PRELID3B: variants seen among roughly 807,000 people sequenced by gnomAD.
The protein encoded by PRELID3B is PRELI domain containing protein 3B.
Under a neutral mutation model 24.0 loss-of-function variants are expected in PRELID3B, and 15 were observed. The observed-to-expected ratio is 0.63, with a 90% CI of 0.42 to 0.96. The LOEUF (loss-of-function observed/expected upper bound fraction) is 0.96, where lower values mean the gene tolerates loss of function less well. PRELID3B is among the 40% of genes least tolerant of loss of function. PRELID3B has a pLI of 0.00. For synonymous variants in PRELID3B, 62 were observed against 76.0 expected, an observed-to-expected ratio of 0.82 and a Z score of 0.96; for missense variants, 189 against 236.0, an observed-to-expected ratio of 0.80 and a Z score of 1.30.
At position 59,034,667 on chromosome 20, in the gene PRELID3B, A is replaced by G. The variant is rs2092057219; in HGVS notation, c.*340T>C. ...CTCTGCTCTGTTCTGGGGTTGGTCCAAAGTCAGGTGGAGTTCCAATGTATG... is the reference window on the plus strand; with the variant it reads ...CTCTGCTCTGTTCTGGGGTTGGTCCGAAGTCAGGTGGAGTTCCAATGTATG... On this transcript the variant is annotated 3_prime_UTR_variant, in exon 6 of 6. Transcript: ENST00000355937. 1 of 192,626 alleles carries G rather than the reference A, an allele frequency of 5.2e-6. No individual in the cohort carries two copies. Among genetic ancestry groups the G allele is most frequent in the Non-Finnish European group, 1.1e-5 (1 of 92,910 alleles). 11.9% of individuals were successfully genotyped at this position (192,626 alleles called of 1,614,324 possible).
chr20:59,042,724 T>G lies in PRELID3B; in HGVS notation c.7A>C (p.Ile3Leu). The G allele has an allele frequency of 1.2e-6, 2 of 1,602,356 alleles. No homozygotes were observed. Among genetic ancestry groups the G allele is most frequent in the Non-Finnish European group, 1.7e-6 (2 of 1,175,218 alleles). Residue 3 changes from isoleucine to leucine, a missense_variant, in exon 1 of 6, where the codon ATC becomes CTC. Physicochemically the swap from Ile to Leu is conservative, Grantham distance 5 (BLOSUM62 2). Transcript: ENST00000355937. The stretch of plus-strand genomic sequence containing the variant: ...TCAAAGACGTGCTCCGAAGTCCAGA[T>G]CTTCATGGTGCCGGCACCCTGAGAG... The part of the protein sequence containing the change: MK[I>L]WTSEHVFDHP...
In PRELID3B at chr20:59,036,528, G is replaced by A. The variant is rs1568697108; in HGVS notation, c.408C>T (p.Ser136=). Residue 136 remains serine (S), a synonymous_variant, in exon 5 of 6, where the codon AGC becomes AGT. Coordinates refer to ENST00000355937, the MANE Select transcript of PRELID3B (RefSeq NM_016045.3). ...QEAIITVKGV[S]LSSYLEGLMA... ...TCAGTCCTTCAAGGTAACTGCTGAG[G>A]CTAACTCCTTTCACGGTAATTATGG... The A allele has an allele frequency of 1.9e-6, 3 of 1,614,142 alleles. No individual in the cohort carries two copies. Among genetic ancestry groups the A allele is most frequent in the Non-Finnish European group, 2.5e-6 (3 of 1,179,992 alleles).
In PRELID3B at chr20:59,042,702, A is replaced by G; in HGVS notation, c.29T>C (p.Phe10Ser). 1 of 1,597,536 alleles carries G rather than the reference A, an allele frequency of 6.3e-7. No individual in the cohort carries two copies. Among genetic ancestry groups the G allele is most frequent in the Non-Finnish European group, 8.5e-7 (1 of 1,172,882 alleles). The change falls in exon 1 of 6, where the codon TTT (phenylalanine) becomes TCT (serine). Residue 10 changes from phenylalanine (F) to serine (S), a missense_variant. Physicochemically the swap from Phe to Ser is radical, Grantham distance 155. Transcript: ENST00000355937. Reference sequence around the variant, plus strand: ...CCGACCCGCGCCCCAAACTTACTCAAAGACGTGCTCCGAAGTCCAGATCTT... The same window carrying G: ...CCGACCCGCGCCCCAAACTTACTCAGAGACGTGCTCCGAAGTCCAGATCTT... The part of the protein sequence containing the change: MKIWTSEHV[F>S]DHPWETVTTA...
At chr20:59,041,118 T>A (rs898784748) in intron 1 of PRELID3B, among the ~76,000 whole-genome samples, 2 of 152,016 alleles carry the variant, frequency 1.3e-5, no homozygotes, top group Non-Finnish European at 2.9e-5. Flanking sequence ...AGAAGACAGT[T>A]CTAGGGAGAC....
At chr20:59,042,637 C>G in intron 1 of PRELID3B, 62 bp downstream of exon 1, 1 of 1,547,060 alleles carries the variant, frequency 6.5e-7, no homozygotes, top group Non-Finnish European at 8.8e-7. Context: ...GCCTCTGCCT[C>G]GCCTCTACTC....
chr20:59,039,296 CTAATATTCTCTTT>C (rs2092095773), intron 1 of PRELID3B, among the ~76,000 whole-genome samples: 1 of 152,182 alleles, frequency 6.6e-6, no homozygotes, highest in Non-Finnish European at 1.5e-5. Flanking sequence ...ATACTATTTT[CTAATATTCTCTTT>C]TAATATAATA....
chr20:59,042,689 C>T lies in PRELID3B; in HGVS notation c.32+10G>A. 6.3e-7 allele frequency: 1 copy of T among 1,591,416 alleles called. No individual in the cohort carries two copies. Among genetic ancestry groups the T allele is most frequent in the South Asian group, 1.1e-5 (1 of 87,226 alleles). ...GCCCTCCACGGAGCCGACCCGCGCC[C>T]CAAACTTACTCAAAGACGTGCTCCG... On this transcript the variant is annotated intron_variant, in intron 1 of 5. Coordinates refer to ENST00000355937, the MANE Select transcript of PRELID3B (RefSeq NM_016045.3).
At chr20:59,037,781 C>G (rs1173550487) in intron 2 of PRELID3B, among the ~76,000 whole-genome samples, 1 of 152,246 alleles carries the variant, frequency 6.6e-6, no homozygotes, top group African/African-American at 2.4e-5. Flanking sequence ...AAGCCCACCC[C>G]CTGACCCTGC....
chr20:59,042,724 T>A lies in PRELID3B; in HGVS notation c.7A>T (p.Ile3Phe). 1 of 1,602,356 alleles carries A rather than the reference T, an allele frequency of 6.2e-7. No individual in the cohort carries two copies. The highest frequency in any genetic ancestry group is 1.1e-5 in the South Asian group (1 of 88,564). MKIWTSEHVFDHP... is the reference protein window; with the variant it reads MKFWTSEHVFDHP... ...TCAAAGACGTGCTCCGAAGTCCAGA[T>A]CTTCATGGTGCCGGCACCCTGAGAG... is the stretch of plus-strand genomic sequence containing the variant. The change falls in exon 1 of 6, where the codon ATC becomes TTC. Residue 3 changes from isoleucine to phenylalanine, a missense_variant. Transcript: ENST00000355937.
Position 59,034,073 on chromosome 20 carries a change from A to G in PRELID3B, c.*934T>C, listed in dbSNP as rs951606745. Reference sequence around the variant, plus strand: ...CATCATTTGAGTAATTTCAAATGATACACAGCTCCTTCATGTAAAAAAGAT... The same window carrying G: ...CATCATTTGAGTAATTTCAAATGATGCACAGCTCCTTCATGTAAAAAAGAT... On this transcript the variant is annotated 3_prime_UTR_variant, in exon 6 of 6. Transcript: ENST00000355937. 5 of 152,268 alleles carry G rather than the reference A, an allele frequency of 3.3e-5. No homozygotes were observed. The highest frequency in any genetic ancestry group is 1.2e-4 in the African/African-American group (5 of 41,476). 9.4% of individuals were successfully genotyped at this position (152,268 alleles called of 1,614,324 possible). A position where few individuals can be genotyped will look rare whatever the true frequency, so the allele number is the denominator to read the frequency against.
intron 1 of PRELID3B, among the ~76,000 whole-genome samples, chr20:59,039,842 T>C (rs966408680): frequency 2.0e-5 from 3 of 152,242 alleles, no homozygotes; most frequent in African/African-American, 4.8e-5. Context: ...TTCTTTTCTA[T>C]ACAATATTGT....
At chr20:59,036,408 G>C in intron 5 of PRELID3B, 63 bp downstream of exon 5, 1 of 1,259,802 alleles carries the variant, frequency 7.9e-7, no homozygotes, top group Non-Finnish European at 1.2e-6. Context: ...CATGCAGTCA[G>C]CACCCCATTC....
Position 59,037,176 on chromosome 20 carries a change from G to A in PRELID3B, c.291+15C>T, listed in dbSNP as rs2092079453. On this transcript the variant is annotated intron_variant, in intron 3 of 5. Coordinates refer to ENST00000355937, the MANE Select transcript of PRELID3B (RefSeq NM_016045.3). ...CAGACAGTTCGAAATGAAACAAAAG[G>A]GAGCCAAGACTTACATTAGTAGATT... is the stretch of plus-strand genomic sequence containing the variant. The A allele has an allele frequency of 4.4e-6, 7 of 1,589,696 alleles. No individual in the cohort carries two copies. The highest frequency in any genetic ancestry group is 1.1e-5 in the South Asian group (1 of 90,228).
intron 5 of PRELID3B, among the ~76,000 whole-genome samples, chr20:59,035,614 C>T (rs2092066249): frequency 2.0e-5 from 3 of 152,216 alleles, no homozygotes; most frequent in Admixed American, 2.0e-4. Flanking sequence ...CTAGAACACT[C>T]TTCTTGGAAT....
chr20:59,034,252 T>C lies in PRELID3B; in HGVS notation c.*755A>G, dbSNP rs568317204. On this transcript the variant is annotated 3_prime_UTR_variant, in exon 6 of 6. Transcript: ENST00000355937. ...AAGATGTGAACAGCTGTTCTTCTGTTTAAGTTAGAGCACTGCAAAACTCAG... is the reference window on the plus strand; with the variant it reads ...AAGATGTGAACAGCTGTTCTTCTGTCTAAGTTAGAGCACTGCAAAACTCAG... The C allele has an allele frequency of 1.3e-5, 2 of 152,230 alleles. No individual in the cohort carries two copies. The highest frequency in any genetic ancestry group is 2.9e-5 in the Non-Finnish European group (2 of 68,052). The allele number at this position is 152,230 out of a possible 1,614,324, so 9.4% of individuals were successfully genotyped here.
Position 59,038,631 on chromosome 20 carries a change from G to A in PRELID3B, c.36C>T (p.His12=), listed in dbSNP as rs765036739. Residue 12 remains histidine (H), a synonymous_variant, in exon 2 of 6, where the codon CAC becomes CAT. Transcript: ENST00000355937. ...CAGCTGTTGTAACAGTTTCCCACGG[G>A]TGGCTGCCGATGTGAACCAAAAAAA... is the stretch of plus-strand genomic sequence containing the variant. The part of the protein sequence containing the change: ...KIWTSEHVFD[H]PWETVTTAAM... The A allele has an allele frequency of 1.1e-5, 17 of 1,580,696 alleles. No homozygotes were observed. Among genetic ancestry groups the A allele is most frequent in the Non-Finnish European group, 1.5e-5 (17 of 1,166,416 alleles).
chr20:59,040,970 T>C lies in PRELID3B; in HGVS notation c.32+1729A>G, dbSNP rs2092106072. On this transcript the variant is annotated intron_variant, in intron 1 of 5. Transcript: ENST00000355937. This position sits in a 1 kb window ranked among gnomAD's most constrained non-coding sequence, Gnocchi z 4.1. Reference sequence around the variant, plus strand: ...AATTAAGATCACAGGTAAAATCCAATATAGGAAGGCCAACACAGAATCTCA... The same window carrying C: ...AATTAAGATCACAGGTAAAATCCAACATAGGAAGGCCAACACAGAATCTCA... Among the ~76,000 whole-genome samples the C allele has an allele frequency of 6.6e-6, 1 of 151,876 alleles. No individual in the cohort carries two copies. Among genetic ancestry groups the C allele is most frequent in the Non-Finnish European group, 1.5e-5 (1 of 67,978 alleles).
intron 2 of PRELID3B, 124 bp from the exon 3 acceptor site, chr20:59,037,404 C>T (rs962497965): frequency 2.5e-5 from 20 of 786,656 alleles, no homozygotes; most frequent in Admixed American, 6.1e-5. Flanking sequence ...TTTCTAAAAA[C>T]CAGAGGAAAC....
At chr20:59,038,428 C>CAGCA (rs764010961) in intron 2 of PRELID3B, 38 bp downstream of exon 2, 1 of 1,586,736 alleles carries the variant, frequency 6.3e-7, no homozygotes, top group South Asian at 1.1e-5. Context: ...AACTTCTCTA[C>CAGCA]AGCAGTCACA....
Sources: gnomAD v4.1 joint callset for allele counts (sites outside exome capture counted in the v4.1 genomes callset) on GRCh38, gnomAD v4.1.1 for gene constraint, Gnocchi (gnomAD v3.1) non-coding constraint, MANE v1.5 for transcripts, NCBI Gene and HGNC (gene_info 2026-07-23, HGNC 2026-07-21) for gene names.